The following KIAA1328 variants were observed in gnomAD, a reference collection of about 807,000 sequenced individuals.
The protein encoded by KIAA1328 is KIAA1328.
Under a neutral mutation model 68.1 loss-of-function variants are expected in KIAA1328, and 52 were observed. That is an observed-to-expected ratio of 0.76 (90% confidence interval 0.61 to 0.96). The LOEUF is 0.96. Ranked by LOEUF, KIAA1328 falls within the 40% of genes least tolerant of loss-of-function variation. The pLI is 0.00. For missense variants in KIAA1328, 641 were observed against 677.6 expected (o/e 0.95, Z 0.60); for synonymous variants, 232 against 239.4 (o/e 0.97, Z 0.28).
At chr18:36,915,597 A>G (rs1050358100) in intron 5 of KIAA1328, among the ~76,000 whole-genome samples, 6 of 152,192 alleles carry the variant, frequency 3.9e-5, no homozygotes, top group Non-Finnish European at 8.8e-5. Context: ...TCATTAGGGA[A>G]ATGCAAATGA....
In KIAA1328 at chr18:36,859,571, C is replaced by A. The variant is rs116212484; in HGVS notation, c.332+15269C>A. Among the ~76,000 whole-genome samples, 807 of 140,260 alleles carry A rather than the reference C, an allele frequency of 5.8e-3. 7 individuals carry two copies. Among genetic ancestry groups the A allele is most frequent in the African/African-American group, 0.019 (750 of 38,694 alleles). The allele number at this position is 140,260 out of a possible 152,430, so 92.0% of individuals were successfully genotyped here. On this transcript the variant is annotated intron_variant, in intron 4 of 9. Coordinates refer to ENST00000280020, the MANE Select transcript of KIAA1328 (RefSeq NM_020776.3). ...TCCCTACCTCCCTGTCTCCCTCTCT[C>A]CCTCTCTCTCATTCTCTCACTCTCA...
At chr18:36,946,089 T>C (rs962154165) in intron 5 of KIAA1328, among the ~76,000 whole-genome samples, 2 of 152,214 alleles carry the variant, frequency 1.3e-5, no homozygotes, top group African/African-American at 2.4e-5. Context: ...ATTTTGGATT[T>C]CAGATTAGGG....
chr18:37,147,355 T>C (rs571238320), intron 7 of KIAA1328, among the ~76,000 whole-genome samples: 4 of 152,326 alleles, frequency 2.6e-5, no homozygotes, highest in East Asian at 1.9e-4. Context: ...GATTTTTTTT[T>C]CCCTTGACTG....
intron 8 of KIAA1328, among the ~76,000 whole-genome samples, chr18:37,165,055 C>T (rs899959737): frequency 3.3e-5 from 5 of 152,074 alleles, no homozygotes; most frequent in East Asian, 3.9e-4. Context: ...CTCTTCTGTG[C>T]GTGCATCCCA....
intron 7 of KIAA1328, among the ~76,000 whole-genome samples, chr18:37,157,807 CA>C (rs542590805): frequency 2.1e-3 from 118 of 55,404 alleles, no homozygotes; most frequent in African/African-American, 3.5e-3. Flanking sequence ...GACTCCTCTC[CA>C]AAAAAAAAAA....
Position 36,947,897 on chromosome 18 carries a change from A to G in KIAA1328, c.449-11411A>G, listed in dbSNP as rs573484697. ...TACTAGAGTCAGGTTGGAATTTGAT[A>G]TCTCATTGCTGCAGAGAGACTGCTT... is the stretch of plus-strand genomic sequence containing the variant. On this transcript the variant is annotated intron_variant, in intron 5 of 9. Coordinates refer to ENST00000280020, the MANE Select transcript of KIAA1328 (RefSeq NM_020776.3). 3.3e-5 allele frequency among the ~76,000 whole-genome samples: 5 copies of G among 152,274 alleles called. No individual in the cohort carries two copies. The South Asian group carries it at 1.0e-3, about 32-fold the overall frequency.
Position 37,146,355 on chromosome 18 carries a change from T to C in KIAA1328, c.1233-13845T>C, listed in dbSNP as rs563554197. Among the ~76,000 whole-genome samples, 6 of 152,294 alleles carry C rather than the reference T, an allele frequency of 3.9e-5. No individual in the cohort carries two copies. The East Asian group carries it at 1.2e-3, about 29-fold the overall frequency. Reference sequence around the variant, plus strand: ...GAGCATGCAGTATTTGGTTTTCTGTTCCTGCATTAGGTTGCTAAGGATAAT... The same window carrying C: ...GAGCATGCAGTATTTGGTTTTCTGTCCCTGCATTAGGTTGCTAAGGATAAT... On this transcript the variant is annotated intron_variant, in intron 7 of 9. Coordinates refer to ENST00000280020, the MANE Select transcript of KIAA1328 (RefSeq NM_020776.3).
intron 1 of KIAA1328, among the ~76,000 whole-genome samples, chr18:36,829,852 T>C (rs2046403573): frequency 6.6e-6 from 1 of 152,114 alleles, no homozygotes; most frequent in South Asian, 2.1e-4. Context: ...TCTTGGATCG[T>C]TGTGAGGTGG....
chr18:37,212,661 G>C (rs2060339484), intron 9 of KIAA1328, among the ~76,000 whole-genome samples: 1 of 152,132 alleles, frequency 6.6e-6, no homozygotes, highest in African/African-American at 2.4e-5. Flanking sequence ...CTTTATTAAT[G>C]TGATAACTTG....
At chr18:36,960,711 C>A (rs924119934) in intron 6 of KIAA1328, among the ~76,000 whole-genome samples, 9 of 152,210 alleles carry the variant, frequency 5.9e-5, no homozygotes, top group Admixed American at 2.0e-4. Context: ...AACAGACCTG[C>A]AGCTGAGAGA....
At chr18:36,939,118 C>G (rs951605738) in intron 5 of KIAA1328, among the ~76,000 whole-genome samples, 20 of 151,982 alleles carry the variant, frequency 1.3e-4, no homozygotes, top group African/African-American at 4.8e-4. Flanking sequence ...TCCTATTTTT[C>G]TGTTTTTCGG....
chr18:37,115,342 A>C (rs1410129061), intron 7 of KIAA1328, among the ~76,000 whole-genome samples: 2 of 152,214 alleles, frequency 1.3e-5, no homozygotes, highest in Non-Finnish European at 2.9e-5. Context: ...CATCCCTGGG[A>C]TGCAAGGCTG....
chr18:37,027,418 T>G (rs2054629877), intron 6 of KIAA1328, among the ~76,000 whole-genome samples: 2 of 152,346 alleles, frequency 1.3e-5, no homozygotes, highest in East Asian at 3.9e-4. Context: ...AAGTCAATCC[T>G]AAAACAAAAG....
Position 37,223,045 on chromosome 18 carries a change from T to TCTGGGGGGGGGG in KIAA1328, c.*819_*820insTGGGGGGGGGGC. ...TTATTTACCCAAGTGTTCAGCTTAT[T>TCTGGGGGGGGGG]CACCCCACCCCCCCACCCCCCATCA... On this transcript the variant is annotated 3_prime_UTR_variant, in exon 10 of 10. Coordinates refer to ENST00000280020, the MANE Select transcript of KIAA1328 (RefSeq NM_020776.3). 1.0e-6 allele frequency: 1 copy of TCTGGGGGGGGGG among 974,254 alleles called. No homozygotes were observed. Among genetic ancestry groups the TCTGGGGGGGGGG allele is most frequent in the Non-Finnish European group, 1.2e-6 (1 of 825,506 alleles). 60.4% of individuals were successfully genotyped at this position (974,254 alleles called of 1,614,324 possible).
intron 6 of KIAA1328, among the ~76,000 whole-genome samples, chr18:36,972,490 G>A (rs1010700249): frequency 4.6e-5 from 7 of 152,228 alleles, no homozygotes; most frequent in Non-Finnish European, 7.4e-5. Flanking sequence ...TTACCATGTC[G>A]GGGGAGGGGT....
intron 5 of KIAA1328, among the ~76,000 whole-genome samples, chr18:36,935,318 C>T (rs1398372451): frequency 3.3e-5 from 5 of 152,134 alleles, no homozygotes; most frequent in African/African-American, 7.2e-5. Flanking sequence ...TCCCTTTTTC[C>T]TCTTCTCCTT....
chr18:37,219,754 A>G (rs2060521015), intron 9 of KIAA1328, among the ~76,000 whole-genome samples: 1 of 152,132 alleles, frequency 6.6e-6, no homozygotes, highest in African/African-American at 2.4e-5. Flanking sequence ...TTGGCTAGGA[A>G]AGGGAAGTCC....
intron 4 of KIAA1328, among the ~76,000 whole-genome samples, chr18:36,871,341 A>G (rs1260619098): frequency 1.3e-5 from 2 of 152,136 alleles, no homozygotes; most frequent in African/African-American, 2.4e-5. Flanking sequence ...CAAGAAAACA[A>G]CAGAAGTGAT....
At chr18:37,026,306 T>G (rs1415872828) in intron 6 of KIAA1328, among the ~76,000 whole-genome samples, 2 of 152,206 alleles carry the variant, frequency 1.3e-5, no homozygotes, top group African/African-American at 4.8e-5. Context: ...AAGGAGGAGC[T>G]GGTACCATTC....
Sources: allele counts gnomAD v4.1 joint callset (sites outside exome capture counted in the v4.1 genomes callset), GRCh38; gene constraint gnomAD v4.1.1; transcripts MANE v1.5; gene names NCBI Gene and HGNC (gene_info 2026-07-23, HGNC 2026-07-21).